PCGF5: variants seen among roughly 807,000 people sequenced by gnomAD.
PCGF5 encodes polycomb group RING finger protein 5.
A neutral mutation model predicts 44.3 loss-of-function variants in PCGF5; 9 were observed. The observed-to-expected ratio is 0.20, with a 90% CI of 0.12 to 0.35. PCGF5 has a LOEUF of 0.35. PCGF5 is among the 10% of genes least tolerant of loss of function. The pLI, the probability that PCGF5 is intolerant of heterozygous loss-of-function variation, is 1.00. For missense variants in PCGF5, 146 were observed against 305.3 expected, an observed-to-expected ratio of 0.48 and a Z score of 3.89; for synonymous variants, 95 against 102.5, an observed-to-expected ratio of 0.93 and a Z score of 0.44.
intron 2 of PCGF5, among the ~76,000 whole-genome samples, chr10:91,225,053 A>G (rs550416985): frequency 1.3e-5 from 2 of 151,988 alleles, no homozygotes; most frequent in African/African-American, 4.8e-5. Flanking sequence ...TTCTATCTAT[A>G]TGCTACAAAT....
chr10:91,198,739 G>A (rs1834000329), intron 1 of PCGF5, among the ~76,000 whole-genome samples: 1 of 152,202 alleles, frequency 6.6e-6, no homozygotes, highest in Non-Finnish European at 1.5e-5. Context: ...AGCAGCAATT[G>A]CCAGGATGAC....
upstream of PCGF5, among the ~76,000 whole-genome samples, chr10:91,217,123 T>A (rs561080475): frequency 2.0e-5 from 3 of 152,284 alleles, no homozygotes; most frequent in South Asian, 6.2e-4. Context: ...AAGTTCCACC[T>A]CCTGGGTTCA....
intron 1 of PCGF5, among the ~76,000 whole-genome samples, chr10:91,197,407 A>G (rs937111524): frequency 1.3e-5 from 2 of 152,178 alleles, no homozygotes; most frequent in Non-Finnish European, 2.9e-5. Context: ...TAAAATCTCC[A>G]CGGGCAGTGT....
intron 1 of PCGF5, among the ~76,000 whole-genome samples, chr10:91,164,694 A>G (rs1354633334): frequency 6.6e-6 from 1 of 152,206 alleles, no homozygotes; most frequent in Non-Finnish European, 1.5e-5. Context: ...AACTTGACTC[A>G]TTCCCACCTC....
At chr10:91,244,887 A>G (rs897992623) in intron 3 of PCGF5, among the ~76,000 whole-genome samples, 6 of 151,866 alleles carry the variant, frequency 4.0e-5, no homozygotes, top group Non-Finnish European at 5.9e-5. Flanking sequence ...CAGGACTTCA[A>G]TTGTGGACAT....
Position 91,222,850 on chromosome 10 carries a change from A to G in PCGF5, c.-22A>G, listed in dbSNP as rs1448311243. ...GACCCCTCTTTGCCCAGACTACTAA[A>G]GCCAGTCTTCACTAGCCACGAATGG... On this transcript the variant is annotated 5_prime_UTR_variant, in exon 2 of 10. Coordinates refer to ENST00000336126, the MANE Select transcript of PCGF5 (RefSeq NM_032373.5). 1 of 1,469,746 alleles carries G rather than the reference A, an allele frequency of 6.8e-7. No homozygotes were observed. Among genetic ancestry groups the G allele is most frequent in the Admixed American group, 1.7e-5 (1 of 59,748 alleles). The allele number at this position is 1,469,746 out of a possible 1,614,324, so 91.0% of individuals were successfully genotyped here.
In PCGF5 at chr10:91,183,038, A is replaced by G. The variant is rs181309286; in HGVS notation, c.-184+19957A>G. ...GCTGAAGAGTGTTTTACTTCCGATTATATGATCAATTTTAAGAGTACATGT... is the reference window on the plus strand; with the variant it reads ...GCTGAAGAGTGTTTTACTTCCGATTGTATGATCAATTTTAAGAGTACATGT... On this transcript the variant is annotated intron_variant, in intron 1 of 9. Transcript: ENST00000614189. 3.3e-3 allele frequency among the ~76,000 whole-genome samples: 498 copies of G among 152,288 alleles called. 1 individual carries two copies. The highest frequency in any genetic ancestry group is 4.8e-3 in the Non-Finnish European group (324 of 68,024).
intron 8 of PCGF5, among the ~76,000 whole-genome samples, chr10:91,268,384 G>C (rs1429690510): frequency 6.6e-6 from 1 of 152,142 alleles, no homozygotes; most frequent in African/African-American, 2.4e-5. Context: ...AAATTGTGTT[G>C]ACTAGTTTTA....
At chr10:91,190,744 A>G (rs891953522) in intron 1 of PCGF5, among the ~76,000 whole-genome samples, 1 of 152,188 alleles carries the variant, frequency 6.6e-6, no homozygotes, top group African/African-American at 2.4e-5. Flanking sequence ...TACCAAACAA[A>G]TGAGCTGTTG....
intron 1 of PCGF5, among the ~76,000 whole-genome samples, chr10:91,205,312 GC>G (rs1416642765): frequency 6.8e-6 from 1 of 146,480 alleles, no homozygotes; most frequent in Non-Finnish European, 1.5e-5. Context: ...CACACACACG[GC>G]CCAGCTAACA....
intron 2 of PCGF5, chr10:91,227,432 A>G (rs1844875071): frequency 7.8e-7 from 1 of 1,289,418 alleles, no homozygotes; most frequent in Non-Finnish European, 1.0e-6. Flanking sequence ...GCACTCAGTT[A>G]TCCAAGCAAG....
intron 1 of PCGF5, among the ~76,000 whole-genome samples, chr10:91,195,198 A>G (rs80301840): frequency 9.7e-4 from 147 of 152,210 alleles, no homozygotes; most frequent in Non-Finnish European, 1.6e-3. Flanking sequence ...AGGCCCACTT[A>G]AAGTTTGTGG....
chr10:91,223,889 G>C (rs1022206601), intron 2 of PCGF5, among the ~76,000 whole-genome samples: 1 of 152,046 alleles, frequency 6.6e-6, no homozygotes, highest in Non-Finnish European at 1.5e-5. Flanking sequence ...GCTAATGAGT[G>C]GTGGACCTAT....
intron 1 of PCGF5, among the ~76,000 whole-genome samples, chr10:91,221,993 T>G (rs1021267542): frequency 2.0e-5 from 3 of 152,144 alleles, no homozygotes; most frequent in Non-Finnish European, 4.4e-5. Context: ...GATAGAGTGC[T>G]TAGAACCTGC....
At chr10:91,236,854 T>C (rs922430424) in intron 2 of PCGF5, among the ~76,000 whole-genome samples, 1 of 152,186 alleles carries the variant, frequency 6.6e-6, no homozygotes, top group Non-Finnish European at 1.5e-5. Flanking sequence ...ATGTATCTTC[T>C]AGAGATTTTT....
chr10:91,174,802 A>T (rs1209600537), intron 1 of PCGF5, among the ~76,000 whole-genome samples: 1 of 152,236 alleles, frequency 6.6e-6, no homozygotes, highest in Non-Finnish European at 1.5e-5. Context: ...GATTTAGTTC[A>T]TGGGACTTCA....
chr10:91,221,651 GTTTA>G (rs924187547), intron 1 of PCGF5, among the ~76,000 whole-genome samples: 2 of 151,060 alleles, frequency 1.3e-5, no homozygotes, highest in Admixed American at 6.6e-5. Context: ...GAAAGTTCCT[GTTTA>G]TAGAATGCAC....
At chr10:91,177,181 T>C (rs986936908) in intron 1 of PCGF5, among the ~76,000 whole-genome samples, 8 of 152,240 alleles carry the variant, frequency 5.3e-5, no homozygotes, top group Admixed American at 2.6e-4. Flanking sequence ...CTTCAGACCC[T>C]GTTTGCCTGG....
At chr10:91,267,298 C>T (rs565714509) in intron 8 of PCGF5, among the ~76,000 whole-genome samples, 4 of 152,282 alleles carry the variant, frequency 2.6e-5, no homozygotes, top group South Asian at 2.1e-4. Flanking sequence ...CCCCCTCTCC[C>T]GATGGCATTC....
Sources: gnomAD v4.1 joint callset for allele counts (sites outside exome capture counted in the v4.1 genomes callset) on GRCh38, gnomAD v4.1.1 for gene constraint, MANE v1.5 for transcripts, NCBI Gene and HGNC (gene_info 2026-07-23, HGNC 2026-07-21) for gene names.